The following CDH18 variants were observed in gnomAD, a reference collection of about 807,000 sequenced individuals.
CDH18 encodes the protein cadherin-18.
Under a neutral mutation model 67.9 loss-of-function variants are expected in CDH18, and 31 were observed. That is an observed-to-expected ratio of 0.46 (90% CI 0.34 to 0.62). The LOEUF (loss-of-function observed/expected upper bound fraction) is 0.62. Among genes scored for constraint, CDH18 ranks in the 20% least tolerant of loss-of-function variants. The pLI is 0.01. For missense variants in CDH18, 890 were observed against 975.5 expected, an observed-to-expected ratio of 0.91 and a Z score of 1.17; for synonymous variants, 362 against 347.2, an observed-to-expected ratio of 1.04 and a Z score of -0.48.
intron 1 of CDH18, among the ~76,000 whole-genome samples, chr5:20,422,195 G>A (rs1747920467): frequency 6.9e-6 from 1 of 144,558 alleles, no homozygotes; most frequent in African/African-American, 2.9e-5. Flanking sequence ...CAAACTTGAT[G>A]AAAAAATAGC....
intron 6 of CDH18, among the ~76,000 whole-genome samples, chr5:19,601,039 CG>C (rs1441456329): frequency 6.6e-6 from 1 of 152,044 alleles, no homozygotes; most frequent in African/African-American, 2.4e-5. Context: ...AATATTCAAA[CG>C]TGTACAGAAA....
chr5:19,579,373 C>T (rs1381414625), intron 7 of CDH18, among the ~76,000 whole-genome samples: 1 of 151,486 alleles, frequency 6.6e-6, no homozygotes, highest in Non-Finnish European at 1.5e-5. Flanking sequence ...TCTTACTTTC[C>T]TTTTTATGTA....
chr5:19,694,774 T>G (rs1276407840), intron 5 of CDH18, among the ~76,000 whole-genome samples: 1 of 151,784 alleles, frequency 6.6e-6, no homozygotes, highest in Non-Finnish European at 1.5e-5. Context: ...AGTGATGATT[T>G]GTTGAATAAA....
intron 2 of CDH18, among the ~76,000 whole-genome samples, chr5:20,080,399 A>G (rs575464480): frequency 1.1e-3 from 167 of 152,330 alleles, no homozygotes; most frequent in Non-Finnish European, 2.2e-3. Context: ...GGAATAGAAT[A>G]CTAATAGCCT....
In CDH18 at chr5:19,908,276, G is replaced by A. The variant is rs762390183; in HGVS notation, c.-256-69034C>T. Among the ~76,000 whole-genome samples, 18 of 152,128 alleles carry A rather than the reference G, an allele frequency of 1.2e-4. No individual in the cohort carries two copies. The South Asian group carries it at 1.4e-3, about 12-fold the overall frequency. The stretch of plus-strand genomic sequence containing the variant: ...TGTTTCAAAGCAAGAGAATTTTGGC[G>A]TGTTATAGTATTGACAATGACATGC... On this transcript the variant is annotated intron_variant, in intron 2 of 12. Transcript: ENST00000382275.
chr5:19,842,368 C>T (rs569681458), intron 2 of CDH18, among the ~76,000 whole-genome samples: 1 of 152,244 alleles, frequency 6.6e-6, no homozygotes, highest in African/African-American at 2.4e-5. Flanking sequence ...CTCCCCCATG[C>T]TGTTCTCTTG....
At chr5:19,967,969 A>G (rs1300438290) in intron 2 of CDH18, among the ~76,000 whole-genome samples, 4 of 151,352 alleles carry the variant, frequency 2.6e-5, no homozygotes, top group Non-Finnish European at 5.9e-5. Context: ...AATCTCCTTA[A>G]GCTGATAAGC....
chr5:20,374,057 A>G (rs997866535), intron 1 of CDH18, among the ~76,000 whole-genome samples: 4 of 152,182 alleles, frequency 2.6e-5, no homozygotes, highest in African/African-American at 9.6e-5. Flanking sequence ...CTGGCAATAC[A>G]CAGTCATTGA....
intron 1 of CDH18, among the ~76,000 whole-genome samples, chr5:20,333,899 CAT>C (rs1366038943): frequency 1.2e-5 from 1 of 86,698 alleles, no homozygotes; most frequent in Non-Finnish European, 3.2e-5. Context: ...GCTAAAAAGA[CAT>C]AAGTTATTCC....
chr5:20,530,298 C>T (rs1019021663), intron 1 of CDH18, among the ~76,000 whole-genome samples: 63 of 151,760 alleles, frequency 4.2e-4, no homozygotes, highest in African/African-American at 1.2e-3. Context: ...ATGAAAATGG[C>T]GATGCTGCCC....
At chr5:20,083,645 C>A (rs901317890) in intron 2 of CDH18, among the ~76,000 whole-genome samples, 1 of 152,088 alleles carries the variant, frequency 6.6e-6, no homozygotes, top group Admixed American at 6.6e-5. Context: ...TAAAGACATG[C>A]CTGTGACTGG....
chr5:19,864,995 A>G (rs1785329065), intron 2 of CDH18, among the ~76,000 whole-genome samples: 1 of 152,104 alleles, frequency 6.6e-6, no homozygotes, highest in African/African-American at 2.4e-5. Context: ...TTCCTCCACA[A>G]TCACCTAGCT....
rs1169377968 is a variant in CDH18, at chr5:20,425,693, C to T, written c.-580+149769G>A. On this transcript the variant is annotated intron_variant, in intron 1 of 14. Coordinates refer to the CDH18 transcript ENST00000507958. ...GGGCGCAGAGCTGATTTTTGCTATT[C>T]TTATTATAATTCCTCACTCTTAGCT... Among the ~76,000 whole-genome samples, 2 of 150,848 alleles carry T rather than the reference C, an allele frequency of 1.3e-5. 1 individual carries two copies. The highest frequency in any genetic ancestry group is 5.0e-5 in the African/African-American group (2 of 40,292).
At chr5:20,224,835 G>C (rs1741487259) in intron 2 of CDH18, among the ~76,000 whole-genome samples, 1 of 151,964 alleles carries the variant, frequency 6.6e-6, no homozygotes, top group Non-Finnish European at 1.5e-5. Context: ...CCAGAAAATT[G>C]ACAATTTCTT....
At position 19,584,733 on chromosome 5, in the gene CDH18, G is replaced by T. The variant is rs192420180; in HGVS notation, c.999+6324C>A. Among the ~76,000 whole-genome samples the T allele has an allele frequency of 2.2e-3, 293 of 136,196 alleles. 1 individual carries two copies. In the Middle Eastern group the frequency reaches 0.033, roughly 15 times the overall value. 89.3% of individuals were successfully genotyped at this position (136,196 alleles called of 152,430 possible). A position where few individuals can be genotyped will look rare whatever the true frequency, so the allele number is the denominator to read the frequency against. On this transcript the variant is annotated intron_variant, in intron 7 of 12. Coordinates refer to ENST00000382275, the MANE Select transcript of CDH18 (RefSeq NM_004934.5). The stretch of plus-strand genomic sequence containing the variant: ...GAGGCGGAAGCTGGCAGATCGTTTG[G>T]GCTCAGGAGTTAGAGACCAGCCAGG...
At chr5:19,989,915 G>A (rs1799885380), upstream of CDH18, among the ~76,000 whole-genome samples, 1 of 152,034 alleles carries the variant, frequency 6.6e-6, no homozygotes, top group Non-Finnish European at 1.5e-5. Flanking sequence ...ATTAGAATTT[G>A]GAAATTTCCA....
chr5:19,483,208 A>G, intron 12 of CDH18, 93 bp downstream of exon 12: 1 of 1,258,330 alleles, frequency 7.9e-7, no homozygotes. Context: ...TTCCTTACCC[A>G]CATTATGGAT....
chr5:20,416,298 A>G (rs1747303532), intron 1 of CDH18, among the ~76,000 whole-genome samples: 1 of 152,170 alleles, frequency 6.6e-6, no homozygotes, highest in African/African-American at 2.4e-5. Context: ...TTTGTAATTA[A>G]ATTTGCAGAA....
intron 7 of CDH18, among the ~76,000 whole-genome samples, chr5:19,573,161 C>T (rs1018041760): frequency 8.5e-5 from 13 of 152,120 alleles, no homozygotes; most frequent in Non-Finnish European, 1.5e-4. Flanking sequence ...ATATATGACA[C>T]AAACATTATG....
Sources: allele counts gnomAD v4.1 joint callset (sites outside exome capture counted in the v4.1 genomes callset), GRCh38; gene constraint gnomAD v4.1.1; transcripts MANE v1.5; gene names NCBI Gene and HGNC (gene_info 2026-07-23, HGNC 2026-07-21).